The following DNAJC1 variants were observed in gnomAD, a reference collection of about 807,000 sequenced individuals.
The protein encoded by DNAJC1 is dnaJ homolog subfamily C member 1.
In DNAJC1, 58 loss-of-function variants were observed where a neutral mutation model predicts 76.6. That is an observed-to-expected ratio of 0.76 (90% confidence interval 0.61 to 0.94). DNAJC1 has a LOEUF of 0.94. Among genes scored for constraint, DNAJC1 ranks in the 40% least tolerant of loss-of-function variants. The probability of loss-of-function intolerance (pLI) is 0.00; values close to 1 mark genes in which losing one functional copy is unlikely to be tolerated. For missense variants in DNAJC1, 689 were observed against 677.3 expected (o/e 1.02, Z -0.19); for synonymous variants, 258 against 267.9 (o/e 0.96, Z 0.36).
chr10:22,000,166 TTC>T (rs1416067346), intron 1 of DNAJC1, among the ~76,000 whole-genome samples: 1 of 152,168 alleles, frequency 6.6e-6, no homozygotes, highest in Non-Finnish European at 1.5e-5. Context: ...ATCAGTAAAA[TTC>T]TGTTTGCTCC....
chr10:21,854,708 G>C (rs1191510205), intron 8 of DNAJC1, among the ~76,000 whole-genome samples: 1 of 152,134 alleles, frequency 6.6e-6, no homozygotes, highest in South Asian at 2.1e-4. Context: ...AGGCAGAAGA[G>C]AGCAGGTGGT....
intron 8 of DNAJC1, among the ~76,000 whole-genome samples, chr10:21,813,086 T>TACAC (rs1165532400): frequency 3.6e-5 from 3 of 84,242 alleles, no homozygotes; most frequent in South Asian, 5.0e-4. Context: ...TATACATATA[T>TACAC]ACACACACAC....
At chr10:21,947,517 G>T (rs1389507332) in intron 1 of DNAJC1, among the ~76,000 whole-genome samples, 1 of 152,034 alleles carries the variant, frequency 6.6e-6, no homozygotes, top group African/African-American at 2.4e-5. Context: ...TTTCTCTTAT[G>T]ATTTTCTTAA....
intron 8 of DNAJC1, among the ~76,000 whole-genome samples, chr10:21,840,156 G>A (rs1274479101): frequency 6.6e-6 from 1 of 152,142 alleles, no homozygotes; most frequent in African/African-American, 2.4e-5. Flanking sequence ...TACCGAATGG[G>A]CAAAAACTGG....
At chr10:21,882,888 G>A (rs1221780199) in intron 7 of DNAJC1, among the ~76,000 whole-genome samples, 1 of 152,028 alleles carries the variant, frequency 6.6e-6, no homozygotes, top group Non-Finnish European at 1.5e-5. Flanking sequence ...TTTTACAAAG[G>A]TGAAATATGA....
At chr10:21,791,851 G>T (rs2131634672) in intron 9 of DNAJC1, among the ~76,000 whole-genome samples, 1 of 152,016 alleles carries the variant, frequency 6.6e-6, no homozygotes, top group South Asian at 2.1e-4. Context: ...AAAGTTAGCA[G>T]AAAGAAAGGA....
At chr10:21,995,583 G>A (rs1838402922) in intron 1 of DNAJC1, among the ~76,000 whole-genome samples, 2 of 152,138 alleles carry the variant, frequency 1.3e-5, no homozygotes, top group Non-Finnish European at 2.9e-5. Flanking sequence ...TTAATATTAA[G>A]CAACTCAAAT....
chr10:21,884,538 G>C (rs1836337060), intron 7 of DNAJC1, among the ~76,000 whole-genome samples: 1 of 152,050 alleles, frequency 6.6e-6, no homozygotes, highest in Non-Finnish European at 1.5e-5. Flanking sequence ...CTTTTCCCCA[G>C]CAATTCTCCC....
intron 8 of DNAJC1, among the ~76,000 whole-genome samples, chr10:21,806,344 A>C (rs2131642212): frequency 6.6e-6 from 1 of 152,320 alleles, no homozygotes; most frequent in South Asian, 2.1e-4. Context: ...CTAAGAAAGC[A>C]TAAATATTGC....
At chr10:21,819,203 C>T (rs1464044300) in intron 8 of DNAJC1, among the ~76,000 whole-genome samples, 1 of 152,122 alleles carries the variant, frequency 6.6e-6, no homozygotes. Context: ...GAGATCAAGA[C>T]CACCCTGGCT....
chr10:21,911,082 A>AGGAAGGCGGGAAGGCG (rs1178536872), intron 6 of DNAJC1, among the ~76,000 whole-genome samples: 4 of 125,022 alleles, frequency 3.2e-5, no homozygotes, highest in Admixed American at 1.6e-4. Context: ...GAAGGAAGGA[A>AGGAAGGCGGGAAGGCG]GGAAGGCGGG....
At chr10:21,794,838 C>T (rs1834734758) in intron 9 of DNAJC1, among the ~76,000 whole-genome samples, 1 of 151,948 alleles carries the variant, frequency 6.6e-6, no homozygotes, top group Non-Finnish European at 1.5e-5. Context: ...GACTTGAGTC[C>T]ATAATATACA....
chr10:21,842,219 C>T (rs1270401563), intron 8 of DNAJC1, among the ~76,000 whole-genome samples: 1 of 150,774 alleles, frequency 6.6e-6, no homozygotes, highest in East Asian at 1.9e-4. Context: ...GCATGTTGTG[C>T]ACATGTACCC....
At chr10:21,978,605 G>A (rs1267750155) in intron 1 of DNAJC1, among the ~76,000 whole-genome samples, 3 of 152,016 alleles carry the variant, frequency 2.0e-5, no homozygotes, top group Non-Finnish European at 4.4e-5. Context: ...TAAAAGGCAG[G>A]AATCCTACAT....
At chr10:21,884,915 C>G (rs1416571567) in intron 7 of DNAJC1, among the ~76,000 whole-genome samples, 1 of 152,016 alleles carries the variant, frequency 6.6e-6, no homozygotes. Context: ...TAAGCTAATA[C>G]AAAAATACAC....
At position 21,882,318 on chromosome 10, in the gene DNAJC1, A is replaced by C. The variant is rs765034934; in HGVS notation, c.942T>G (p.Asp314Glu). ...SIEEIEEQMDDWLENRNRTQK... is the reference protein window; with the variant it reads ...SIEEIEEQMDEWLENRNRTQK... ...GTGTTCGGTTCCTGTTTTCCAACCAATCATCCATTTGTTCCTCAATTTCTT... is the reference window on the plus strand; with the variant it reads ...GTGTTCGGTTCCTGTTTTCCAACCACTCATCCATTTGTTCCTCAATTTCTT... Residue 314 changes from aspartate to glutamate, a missense_variant, in exon 8 of 12, where the codon GAT becomes GAG. Asp to Glu is a conservative substitution (Grantham distance 45). Coordinates refer to ENST00000376980, the MANE Select transcript of DNAJC1 (RefSeq NM_022365.4). 3.1e-6 allele frequency: 5 copies of C among 1,600,500 alleles called. No individual in the cohort carries two copies. In the East Asian group the frequency reaches 6.8e-5, roughly 22 times the overall value.
intron 9 of DNAJC1, among the ~76,000 whole-genome samples, chr10:21,793,170 G>T (rs921914688): frequency 2.0e-5 from 3 of 152,080 alleles, no homozygotes; most frequent in African/African-American, 7.2e-5. Context: ...GCTGGGCGTG[G>T]TGGTGAATGC....
At chr10:21,927,754 G>C (rs1178319831) in intron 3 of DNAJC1, among the ~76,000 whole-genome samples, 2 of 152,116 alleles carry the variant, frequency 1.3e-5, no homozygotes, top group Non-Finnish European at 2.9e-5. Context: ...AACTTAGAAG[G>C]CTGCTGAAAT....
At chr10:21,903,545 G>A (rs1241720545) in intron 7 of DNAJC1, among the ~76,000 whole-genome samples, 1 of 152,172 alleles carries the variant, frequency 6.6e-6, no homozygotes, top group Non-Finnish European at 1.5e-5. Context: ...TAGGTGCTCA[G>A]TGGATGCTCA....
Sources: allele counts gnomAD v4.1 joint callset (sites outside exome capture counted in the v4.1 genomes callset), GRCh38; gene constraint gnomAD v4.1.1; transcripts MANE v1.5; gene names NCBI Gene and HGNC (gene_info 2026-07-23, HGNC 2026-07-21).